The following DDX46 variants were observed in gnomAD, a reference collection of about 807,000 sequenced individuals.
DDX46 encodes DEAD-box helicase 46, also known as probable ATP-dependent RNA helicase DDX46.
Under a neutral mutation model 134.9 loss-of-function variants are expected in DDX46, and 30 were observed. That is an observed-to-expected ratio of 0.22 (90% CI 0.17 to 0.30). The LOEUF (loss-of-function observed/expected upper bound fraction) is 0.30, where lower values mean the gene tolerates loss of function less well. Among genes scored for constraint, DDX46 ranks in the 10% least tolerant of loss-of-function variants. The pLI, the probability that DDX46 is intolerant of heterozygous loss-of-function variation, is 1.00. For synonymous variants in DDX46, 415 were observed against 404.1 expected (o/e 1.03, Z -0.32); for missense variants, 622 against 1,248.7 (o/e 0.50, Z 7.56).
chr5:134,787,726 G>A (rs1017451617), intron 11 of DDX46, among the ~76,000 whole-genome samples: 5 of 152,144 alleles, frequency 3.3e-5, no homozygotes, highest in Non-Finnish European at 7.3e-5. Context: ...GCTGGTTGTG[G>A]TTGAACACTA....
At chr5:134,805,058 TC>T in intron 15 of DDX46, 1 of 337,060 alleles carries the variant, frequency 3.0e-6, no homozygotes, top group South Asian at 3.0e-5. Flanking sequence ...TACCAGGGAT[TC>T]CAGACAACCT....
rs763248986 is a variant in DDX46 at position 134,773,905 on chromosome 5, A to AAT, written c.613+44_613+45insAT. 7 of 1,479,458 alleles carry AAT rather than the reference A, an allele frequency of 4.7e-6. No individual in the cohort carries two copies. In the South Asian group the frequency reaches 1.0e-4, roughly 21 times the overall value. The allele number at this position is 1,479,458 out of a possible 1,614,324, so 91.6% of individuals were successfully genotyped here. A position where few individuals can be genotyped will look rare whatever the true frequency, so the allele number is the denominator to read the frequency against. ...TAGCCTGTATAACACCTCATGTAGA[A>AAT]TATTATATGAATAATATTTCATAAG... On this transcript the variant is annotated intron_variant, in intron 5 of 22. Coordinates refer to ENST00000452510, the MANE Select transcript of DDX46 (RefSeq NM_001300860.2).
At chr5:134,812,684 C>T (rs770679727) in intron 18 of DDX46, among the ~76,000 whole-genome samples, 1 of 151,664 alleles carries the variant, frequency 6.6e-6, no homozygotes, top group Non-Finnish European at 1.5e-5. Flanking sequence ...TCACCCAGGC[C>T]AGACTGCAGT....
chr5:134,775,668 A>G (rs1004600240), intron 5 of DDX46, among the ~76,000 whole-genome samples: 2 of 151,982 alleles, frequency 1.3e-5, no homozygotes, highest in African/African-American at 4.8e-5. Flanking sequence ...GCCTTGGCCT[A>G]TTTTTAGTAG....
At chr5:134,767,770 G>A (rs951966200) in intron 3 of DDX46, among the ~76,000 whole-genome samples, 6 of 151,702 alleles carry the variant, frequency 4.0e-5, no homozygotes, top group East Asian at 2.0e-4. Flanking sequence ...GACCATTGTG[G>A]ATAAACCCCG....
chr5:134,808,604 T>A (rs900207353), intron 16 of DDX46, among the ~76,000 whole-genome samples: 6 of 151,098 alleles, frequency 4.0e-5, no homozygotes, highest in East Asian at 1.9e-4. Flanking sequence ...GATCTTTTTT[T>A]AAAAAAAAAC....
Position 134,814,241 on chromosome 5 carries a change from A to G in DDX46, c.2437-2189A>G, listed in dbSNP as rs549817885. On this transcript the variant is annotated intron_variant, in intron 18 of 22. Transcript: ENST00000452510. ...ATGTATGTATAGGAAAAAACAGTGT[A>G]TGTCGGTGCGGTACTATCTCTGTTT... Among the ~76,000 whole-genome samples, 117 of 152,302 alleles carry G rather than the reference A, an allele frequency of 7.7e-4. 1 individual carries two copies. Among genetic ancestry groups the G allele is most frequent in the Non-Finnish European group, 1.5e-3 (99 of 68,018 alleles).
Position 134,794,202 on chromosome 5 carries a change from G to A in DDX46, c.1627-648G>A, listed in dbSNP as rs146514236. Among the ~76,000 whole-genome samples the A allele has an allele frequency of 1.7e-4, 26 of 152,298 alleles. No homozygotes were observed. In the East Asian group the frequency reaches 5.0e-3, roughly 29 times the overall value. On this transcript the variant is annotated intron_variant, in intron 13 of 22. Coordinates refer to ENST00000452510, the MANE Select transcript of DDX46 (RefSeq NM_001300860.2). ...TTCTTGATGACCCTGGCTCTTGCAAGCTCTGTACAGTTTGCTTCAGAAACA... is the reference window on the plus strand; with the variant it reads ...TTCTTGATGACCCTGGCTCTTGCAAACTCTGTACAGTTTGCTTCAGAAACA...
intron 17 of DDX46, 63 bp downstream of exon 17, chr5:134,811,421 A>C: frequency 6.5e-7 from 1 of 1,547,986 alleles, no homozygotes; most frequent in Non-Finnish European, 8.7e-7. Flanking sequence ...TTGATTATTT[A>C]ATTCTTGGAA....
chr5:134,801,464 C>T (rs1355145001), intron 15 of DDX46, among the ~76,000 whole-genome samples: 2 of 152,142 alleles, frequency 1.3e-5, no homozygotes, highest in African/African-American at 4.8e-5. Flanking sequence ...ACTCTCTCAG[C>T]TTGGCTCACT....
At chr5:134,809,059 A>G (rs1030126483) in intron 16 of DDX46, among the ~76,000 whole-genome samples, 5 of 152,224 alleles carry the variant, frequency 3.3e-5, no homozygotes, top group Admixed American at 2.0e-4. Context: ...TCTATTTTAT[A>G]GATGAGAAAA....
chr5:134,767,977 CAG>C (rs1246835571), intron 3 of DDX46, among the ~76,000 whole-genome samples: 1 of 150,344 alleles, frequency 6.7e-6, no homozygotes, highest in Non-Finnish European at 1.5e-5. Flanking sequence ...AAAAAGTTAA[CAG>C]AAATTAAGAC....
In DDX46 at chr5:134,804,036, T is replaced by G. The variant is rs143326337; in HGVS notation, c.1955-3712T>G. On this transcript the variant is annotated intron_variant, in intron 15 of 22. Coordinates refer to ENST00000452510, the MANE Select transcript of DDX46 (RefSeq NM_001300860.2). ...CATCCTCGACCTCCAGGGCTCAAGC[T>G]GTCCTCCCACCTCAGCTTCCTGAAT... 8.5e-3 allele frequency among the ~76,000 whole-genome samples: 1,290 copies of G among 150,920 alleles called. 6 individuals are homozygous for G. The highest frequency in any genetic ancestry group is 0.041 in the Middle Eastern group (12 of 292).
chr5:134,792,594 TAG>T (rs1204593526), intron 13 of DDX46, among the ~76,000 whole-genome samples: 1 of 152,114 alleles, frequency 6.6e-6, no homozygotes, highest in Non-Finnish European at 1.5e-5. Context: ...TTTAAGTAGA[TAG>T]AGTGATTGAT....
At chr5:134,763,804 G>C in intron 1 of DDX46, 100 bp from the exon 2 acceptor site, 1 of 1,364,386 alleles carries the variant, frequency 7.3e-7, no homozygotes, top group South Asian at 1.5e-5. Context: ...TTCTTTGAGT[G>C]TTAAATTTGT....
intron 18 of DDX46, among the ~76,000 whole-genome samples, chr5:134,815,703 T>C (rs1328496755): frequency 1.4e-5 from 1 of 72,922 alleles, no homozygotes; most frequent in East Asian, 5.6e-4. Context: ...CGAGACTCTG[T>C]CTCAAAAAAA....
At chr5:134,785,348 A>C (rs1754299885) in intron 10 of DDX46, 117 bp from the exon 11 acceptor site, 1 of 1,327,612 alleles carries the variant, frequency 7.5e-7, no homozygotes, top group African/African-American at 1.5e-5. Flanking sequence ...GGGATGCATA[A>C]CAAAACAAAA....
intron 10 of DDX46, chr5:134,784,795 G>A (rs528272165): frequency 8.5e-6 from 2 of 234,750 alleles, no homozygotes; most frequent in Admixed American, 5.2e-5. Context: ...CTCTGACTTG[G>A]CAGGTAGACT....
chr5:134,769,946 C>T (rs1003531919), intron 3 of DDX46, among the ~76,000 whole-genome samples: 11 of 152,148 alleles, frequency 7.2e-5, no homozygotes, highest in Non-Finnish European at 8.8e-5. Context: ...GAGGCATGAG[C>T]CACCATGCCC....
Sources: gnomAD v4.1 joint callset for allele counts (sites outside exome capture counted in the v4.1 genomes callset) on GRCh38, gnomAD v4.1.1 for gene constraint, MANE v1.5 for transcripts, NCBI Gene and HGNC (gene_info 2026-07-23, HGNC 2026-07-21) for gene names.